Variants in LRFN2 observed in about 807,000 individuals in gnomAD.
The protein encoded by LRFN2 is leucine-rich repeat and fibronectin type-III domain-containing protein 2.
Under a neutral mutation model 37.3 loss-of-function variants are expected in LRFN2, and 18 were observed. That is an observed-to-expected ratio of 0.48 (90% CI 0.33 to 0.72). LRFN2 has a LOEUF of 0.72. Ranked by LOEUF, LRFN2 falls within the 30% of genes least tolerant of loss-of-function variation. LRFN2 has a pLI of 0.02. For missense variants in LRFN2, 1,006 were observed against 1,060.7 expected, an observed-to-expected ratio of 0.95 and a Z score of 0.72; for synonymous variants, 556 against 466.6, an observed-to-expected ratio of 1.19 and a Z score of -2.47.
At chr6:40,561,232 G>A (rs1478007574) in intron 1 of LRFN2, among the ~76,000 whole-genome samples, 1 of 152,134 alleles carries the variant, frequency 6.6e-6, no homozygotes, top group Non-Finnish European at 1.5e-5. Context: ...CTACCTTCAG[G>A]GGAACAGAAA....
At chr6:40,426,778 A>G (rs1483373490) in intron 2 of LRFN2, among the ~76,000 whole-genome samples, 2 of 152,200 alleles carry the variant, frequency 1.3e-5, no homozygotes, top group African/African-American at 4.8e-5. Flanking sequence ...GAGCTTCCAG[A>G]ACCTCATTCT....
chr6:40,548,639 C>T (rs1766709802), intron 1 of LRFN2, among the ~76,000 whole-genome samples: 1 of 152,086 alleles, frequency 6.6e-6, no homozygotes, highest in Non-Finnish European at 1.5e-5. Flanking sequence ...GAGGCTCCAA[C>T]CAATGCATTT....
rs775326010 is a variant in LRFN2 at position 40,431,705 on chromosome 6, C to G, written c.1400+9G>C. Reference sequence around the variant, plus strand: ...ACCCTCCCTGCCTTTGCCACAGCCGCTTGCTCACCTGTAAATCAGTACCTC... The same window carrying G: ...ACCCTCCCTGCCTTTGCCACAGCCGGTTGCTCACCTGTAAATCAGTACCTC... On this transcript the variant is annotated intron_variant, in intron 2 of 2. Transcript: ENST00000338305. The G allele has an allele frequency of 1.3e-6, 2 of 1,506,548 alleles. No homozygotes were observed. The highest frequency in any genetic ancestry group is 1.8e-6 in the Non-Finnish European group (2 of 1,127,960). 93.3% of individuals were successfully genotyped at this position (1,506,548 alleles called of 1,614,324 possible).
intron 1 of LRFN2, among the ~76,000 whole-genome samples, chr6:40,457,498 G>T (rs1242044438): frequency 6.6e-6 from 1 of 151,946 alleles, no homozygotes. Context: ...TCAGGCCAGA[G>T]TCAGTGGCTC....
At chr6:40,540,184 C>G (rs763988486) in intron 1 of LRFN2, among the ~76,000 whole-genome samples, 2 of 152,170 alleles carry the variant, frequency 1.3e-5, no homozygotes, top group Admixed American at 1.3e-4. Flanking sequence ...CTTCAGTGTC[C>G]TTGTCAGGTG....
intron 1 of LRFN2, among the ~76,000 whole-genome samples, chr6:40,447,397 C>T (rs1235230182): frequency 6.6e-6 from 1 of 152,162 alleles, no homozygotes; most frequent in East Asian, 1.9e-4. Flanking sequence ...TCTCTTCTTT[C>T]CCCAAATTTG....
chr6:40,406,015 G>C, intron 2 of LRFN2, among the ~76,000 whole-genome samples: 1 of 152,150 alleles, frequency 6.6e-6, no homozygotes, highest in East Asian at 1.9e-4. Flanking sequence ...ACAGTGTCAG[G>C]GAGGGAGCGT....
intron 2 of LRFN2, among the ~76,000 whole-genome samples, chr6:40,412,501 T>C (rs1401639176): frequency 6.6e-6 from 1 of 152,156 alleles, no homozygotes; most frequent in Non-Finnish European, 1.5e-5. Flanking sequence ...GCTCAGACCA[T>C]GCAGGACCTG....
intron 2 of LRFN2, among the ~76,000 whole-genome samples, chr6:40,395,122 T>C (rs951014200): frequency 1.3e-5 from 2 of 151,334 alleles, no homozygotes; most frequent in South Asian, 4.2e-4. Context: ...GCCCCACAGG[T>C]CTATCTGAAG....
At chr6:40,454,624 C>T (rs542871354) in intron 1 of LRFN2, among the ~76,000 whole-genome samples, 164 of 152,308 alleles carry the variant, frequency 1.1e-3, no homozygotes, top group African/African-American at 3.9e-3. Flanking sequence ...CCTCCCCTAC[C>T]TGGGGCCCCT....
At chr6:40,535,369 G>A (rs1328133790) in intron 1 of LRFN2, among the ~76,000 whole-genome samples, 3 of 152,154 alleles carry the variant, frequency 2.0e-5, no homozygotes, top group Admixed American at 6.5e-5. Context: ...GAATGCCTGG[G>A]GAGAGCTTAG....
intron 2 of LRFN2, among the ~76,000 whole-genome samples, chr6:40,423,962 G>T (rs934449919): frequency 6.6e-6 from 1 of 152,136 alleles, no homozygotes; most frequent in African/African-American, 2.4e-5. Flanking sequence ...CCTTCCACTG[G>T]TCTTCTTTTA....
intron 1 of LRFN2, among the ~76,000 whole-genome samples, chr6:40,522,641 T>C (rs1266878608): frequency 6.6e-6 from 1 of 152,152 alleles, no homozygotes; most frequent in Non-Finnish European, 1.5e-5. Flanking sequence ...CGTATAAATT[T>C]TGCTGTTTCC....
At chr6:40,397,577 CCTT>C (rs1310557680) in intron 2 of LRFN2, among the ~76,000 whole-genome samples, 1 of 152,334 alleles carries the variant, frequency 6.6e-6, no homozygotes, top group East Asian at 1.9e-4. Flanking sequence ...ACATTGTTGT[CCTT>C]CTACCCACAC....
chr6:40,559,893 T>C (rs1248795004), intron 1 of LRFN2, among the ~76,000 whole-genome samples: 9 of 152,136 alleles, frequency 5.9e-5, no homozygotes, highest in Non-Finnish European at 1.2e-4. Flanking sequence ...GAGCAGCTGG[T>C]AAATAGGGCT....
intron 1 of LRFN2, among the ~76,000 whole-genome samples, chr6:40,535,149 A>G (rs1173792312): frequency 6.6e-6 from 1 of 152,222 alleles, no homozygotes; most frequent in Non-Finnish European, 1.5e-5. Flanking sequence ...ATAGCATGGG[A>G]AGCCTCAGTG....
chr6:40,514,348 T>C (rs1306246303), intron 1 of LRFN2, among the ~76,000 whole-genome samples: 5 of 152,190 alleles, frequency 3.3e-5, no homozygotes, highest in Non-Finnish European at 7.3e-5. Flanking sequence ...GGAATCTTGC[T>C]CTGTCGCCCA....
chr6:40,491,043 G>A (rs1765080983), intron 1 of LRFN2, among the ~76,000 whole-genome samples: 1 of 152,206 alleles, frequency 6.6e-6, no homozygotes, highest in Non-Finnish European at 1.5e-5. Context: ...AAGACAAAGA[G>A]GATAGGGAAG....
rs567969556 is a variant in LRFN2, at chr6:40,395,704, C to A, written c.1401-2792G>T. Among the ~76,000 whole-genome samples the A allele has an allele frequency of 4.6e-5, 7 of 152,362 alleles. No individual in the cohort carries two copies. The South Asian group carries it at 1.4e-3, about 32-fold the overall frequency. On this transcript the variant is annotated intron_variant, in intron 2 of 2. Transcript: ENST00000338305. ...CAACTCACTTAGGCCTACCGCAACT[C>A]CCCGACACAGCTGCCATCATAATCC... is the stretch of plus-strand genomic sequence containing the variant.
Sources: allele counts gnomAD v4.1 joint callset (sites outside exome capture counted in the v4.1 genomes callset), GRCh38; gene constraint gnomAD v4.1.1; transcripts MANE v1.5; gene names NCBI Gene and HGNC (gene_info 2026-07-23, HGNC 2026-07-21).